The following ATXN10 variants were observed in gnomAD, a reference collection of about 807,000 sequenced individuals.
ATXN10 encodes ataxin 10, also known as ataxin-10.
A neutral mutation model predicts 52.9 loss-of-function variants in ATXN10; 28 were observed. That is an observed-to-expected ratio of 0.53 (90% CI 0.39 to 0.73). ATXN10 has a LOEUF of 0.73. Ranked by LOEUF, ATXN10 falls within the 30% of genes least tolerant of loss-of-function variation. ATXN10 has a pLI of 0.00. For synonymous variants in ATXN10, 226 were observed against 221.5 expected (o/e 1.02, Z -0.18); for missense variants, 565 against 577.0 (o/e 0.98, Z 0.21).
Position 45,763,992 on chromosome 22 carries a change from T to A in ATXN10, c.1173+23454T>A, listed in dbSNP as rs994449731. Among the ~76,000 whole-genome samples the A allele has an allele frequency of 4.6e-5, 7 of 152,124 alleles. No individual in the cohort carries two copies. In the South Asian group the frequency reaches 6.3e-4, roughly 14 times the overall value. ...TATAATACCTGACTTGTGAGTTCCATTCCAGAATTCGGCCAGCCAGTTTCT... is the reference window on the plus strand; with the variant it reads ...TATAATACCTGACTTGTGAGTTCCAATCCAGAATTCGGCCAGCCAGTTTCT... On this transcript the variant is annotated intron_variant, in intron 9 of 11. Coordinates refer to ENST00000252934, the MANE Select transcript of ATXN10 (RefSeq NM_013236.4). The surrounding 1 kb of genome is among the most constrained non-coding windows in gnomAD (Gnocchi z 6.9).
At chr22:45,810,729 T>G (rs1194191348) in intron 10 of ATXN10, among the ~76,000 whole-genome samples, 1 of 152,250 alleles carries the variant, frequency 6.6e-6, no homozygotes, top group East Asian at 1.9e-4. Context: ...TTTGTTGCCA[T>G]TCATTTAAAA....
At position 45,742,531 on chromosome 22, in the gene ATXN10, A is replaced by T. The variant is rs548834486; in HGVS notation, c.1173+1993A>T. Among the ~76,000 whole-genome samples, 54 of 53,146 alleles carry T rather than the reference A, an allele frequency of 1.0e-3. No individual in the cohort carries two copies. In the East Asian group the frequency reaches 0.017, roughly 17 times the overall value. 34.9% of individuals were successfully genotyped at this position (53,146 alleles called of 152,430 possible). ...AACTGAAAAATACAGTATCTAAAAT[A>T]AAAAAAAAAAAATACCGAATGTGCT... On this transcript the variant is annotated intron_variant, in intron 9 of 11. Transcript: ENST00000252934.
intron 9 of ATXN10, among the ~76,000 whole-genome samples, chr22:45,799,745 C>G (rs1927870729): frequency 6.6e-6 from 1 of 152,106 alleles, no homozygotes; most frequent in African/African-American, 2.4e-5. Flanking sequence ...GCAGCCCTAC[C>G]AAACTAATAC....
chr22:45,700,173 A>C (rs1024086652), intron 3 of ATXN10, 109 bp from the exon 4 acceptor site: 1 of 832,452 alleles, frequency 1.2e-6, no homozygotes, highest in Non-Finnish European at 1.8e-6. Context: ...TTTTAAAAGA[A>C]GCAAGCAGAA....
chr22:45,723,288 A>G (rs905034800), intron 6 of ATXN10, among the ~76,000 whole-genome samples: 7 of 151,682 alleles, frequency 4.6e-5, no homozygotes, highest in Admixed American at 4.6e-4. Flanking sequence ...GGTCACATGG[A>G]TGGGTTGTAT....
At chr22:45,692,306 A>C (rs940694961) in intron 2 of ATXN10, among the ~76,000 whole-genome samples, 1 of 152,234 alleles carries the variant, frequency 6.6e-6, no homozygotes, top group East Asian at 1.9e-4. Flanking sequence ...CCAGCAAAGC[A>C]AGGGCTGTGC....
At chr22:45,699,774 G>A (rs1327686419) in intron 3 of ATXN10, among the ~76,000 whole-genome samples, 1 of 151,504 alleles carries the variant, frequency 6.6e-6, no homozygotes, top group Admixed American at 6.6e-5. Flanking sequence ...GATTACGGGT[G>A]TGAGCCACTG....
chr22:45,696,668 C>T lies in ATXN10; in HGVS notation c.391+3590C>T, dbSNP rs1028297456. ...CCCATTTTTCATTTAAAAATATCTT[C>T]TTTTGACTCCATGTCCCCGTCAGTC... On this transcript the variant is annotated intron_variant, in intron 3 of 11. Transcript: ENST00000252934. The surrounding 1 kb of genome is among the most constrained non-coding windows in gnomAD (Gnocchi z 4.7). Among the ~76,000 whole-genome samples the T allele has an allele frequency of 2.6e-5, 4 of 152,192 alleles. No homozygotes were observed. The highest frequency in any genetic ancestry group is 4.4e-5 in the Non-Finnish European group (3 of 68,028).
rs568951900 is a variant in ATXN10 at position 45,821,047 on chromosome 22, A to G, written c.1237+14025A>G. ...AAATGACCTAACTTTAACATTCTCCAAGAAGCTCAGAGAATGATGACTCTG... is the reference window on the plus strand; with the variant it reads ...AAATGACCTAACTTTAACATTCTCCGAGAAGCTCAGAGAATGATGACTCTG... On this transcript the variant is annotated intron_variant, in intron 10 of 11. Transcript: ENST00000252934. 2.8e-4 allele frequency among the ~76,000 whole-genome samples: 43 copies of G among 152,342 alleles called. 1 individual carries two copies. In the South Asian group the frequency reaches 8.9e-3, roughly 32 times the overall value.
intron 10 of ATXN10, among the ~76,000 whole-genome samples, chr22:45,810,040 CTTTATAGTTTTACCTTT>C: frequency 6.6e-6 from 1 of 152,132 alleles, no homozygotes; most frequent in African/African-American, 2.4e-5. Context: ...CTTTTGAATG[CTTTATAGTTTTACCTTT>C]TATATATATA....
chr22:45,713,508 T>G (rs1334572418), intron 5 of ATXN10, among the ~76,000 whole-genome samples: 1 of 152,202 alleles, frequency 6.6e-6, no homozygotes, highest in Admixed American at 6.5e-5. Flanking sequence ...TATATGACCG[T>G]TCCTCGTCCT....
Position 45,774,040 on chromosome 22 carries a change from GCCC to G in ATXN10, c.1174-32917_1174-32915del, listed in dbSNP as rs571616147. Among the ~76,000 whole-genome samples the G allele has an allele frequency of 1.6e-3, 246 of 152,308 alleles. 1 individual carries two copies. The highest frequency in any genetic ancestry group is 5.7e-3 in the African/African-American group (238 of 41,554). On this transcript the variant is annotated intron_variant, in intron 9 of 11. Coordinates refer to ENST00000252934, the MANE Select transcript of ATXN10 (RefSeq NM_013236.4). The surrounding 1 kb of genome is among the most constrained non-coding windows in gnomAD (Gnocchi z 6.2). ...TAAGAAACATGAAGCCATCAAAACA[GCCC>G]CTCTTCAGGTCTTGCAGACAGAAAG...
intron 3 of ATXN10, among the ~76,000 whole-genome samples, chr22:45,693,916 A>C (rs1923483325): frequency 6.6e-6 from 1 of 152,170 alleles, no homozygotes; most frequent in Non-Finnish European, 1.5e-5. Flanking sequence ...ACTGTGTAAA[A>C]ATAAATGTCT....
At chr22:45,765,178 T>C (rs1926538490) in intron 9 of ATXN10, among the ~76,000 whole-genome samples, 1 of 152,128 alleles carries the variant, frequency 6.6e-6, no homozygotes, top group African/African-American at 2.4e-5. Flanking sequence ...GGGCCAGTCC[T>C]AGAAGCCACT....
intron 10 of ATXN10, among the ~76,000 whole-genome samples, chr22:45,822,233 T>C (rs1288421517): frequency 1.3e-5 from 2 of 152,222 alleles, no homozygotes; most frequent in African/African-American, 4.8e-5. Flanking sequence ...ATTTCCACTT[T>C]GGGGCTATTA....
In ATXN10 at chr22:45,700,387, A is replaced by AT. The variant is rs759834291; in HGVS notation, c.488+11dup. On this transcript the variant is annotated intron_variant, in intron 4 of 11. Coordinates refer to ENST00000252934, the MANE Select transcript of ATXN10 (RefSeq NM_013236.4). ...TTCCCAGAACTGTTTTTGTGAGTAT[A>AT]TTGATAAGCATTTTTCTAACTTGTG... 27 of 1,588,004 alleles carry AT rather than the reference A, an allele frequency of 1.7e-5. No homozygotes were observed. In the African/African-American group the frequency reaches 2.6e-4, roughly 15 times the overall value.
intron 9 of ATXN10, chr22:45,792,922 C>G: frequency 2.5e-6 from 1 of 407,946 alleles, no homozygotes; most frequent in Non-Finnish European, 5.1e-6. Context: ...ACATAGGGAG[C>G]CACATGAAGA....
At chr22:45,702,159 A>G (rs1010892595) in intron 4 of ATXN10, among the ~76,000 whole-genome samples, 2 of 152,210 alleles carry the variant, frequency 1.3e-5, no homozygotes, top group African/African-American at 4.8e-5. Context: ...GCCATATTGC[A>G]TAACCCATGA....
In ATXN10 at chr22:45,698,498, A is replaced by G. The variant is rs892252399; in HGVS notation, c.392-1784A>G. ...TCTTGTAGAGTTGTAAAGGTTTTCT[A>G]TACATTGTAGATACTTGGGATAATA... On this transcript the variant is annotated intron_variant, in intron 3 of 11. Coordinates refer to ENST00000252934, the MANE Select transcript of ATXN10 (RefSeq NM_013236.4). Among the ~76,000 whole-genome samples, 6 of 152,340 alleles carry G rather than the reference A, an allele frequency of 3.9e-5. No individual in the cohort carries two copies. In the East Asian group the frequency reaches 5.8e-4, roughly 15 times the overall value.
Sources: gnomAD v4.1 joint callset for allele counts (sites outside exome capture counted in the v4.1 genomes callset) on GRCh38, gnomAD v4.1.1 for gene constraint, Gnocchi (gnomAD v3.1) non-coding constraint, MANE v1.5 for transcripts, NCBI Gene and HGNC (gene_info 2026-07-23, HGNC 2026-07-21) for gene names.